Variants in NGEF observed in about 807,000 individuals in gnomAD.
The protein encoded by NGEF is ephexin-1.
In NGEF, 31 loss-of-function variants were observed where a neutral mutation model predicts 80.9. The ratio of observed to expected loss-of-function variants is 0.38; its 90% confidence interval spans 0.29 to 0.52. The LOEUF (loss-of-function observed/expected upper bound fraction) is 0.52, where lower values mean the gene tolerates loss of function less well. NGEF is among the 20% of genes least tolerant of loss of function. The pLI is 0.84. For missense variants in NGEF, 709 were observed against 926.2 expected (o/e 0.77, Z 3.04); for synonymous variants, 371 against 370.2 (o/e 1.00, Z -0.03).
chr2:232,891,348 G>A lies in NGEF; in HGVS notation c.1272+10C>T. 1 of 1,613,202 alleles carries A rather than the reference G, an allele frequency of 6.2e-7. No individual in the cohort carries two copies. The highest frequency in any genetic ancestry group is 8.5e-7 in the Non-Finnish European group (1 of 1,179,750). The stretch of plus-strand genomic sequence containing the variant: ...AGCCCCGTCTGTGGGTCAGGTGGAG[G>A]AGGCTGTACCTGGACCAACAGCTTG... On this transcript the variant is annotated intron_variant, in intron 8 of 14. Coordinates refer to ENST00000264051, the MANE Select transcript of NGEF (RefSeq NM_019850.3).
intron 10 of NGEF, chr2:232,884,854 G>T: frequency 6.0e-6 from 1 of 165,408 alleles, no homozygotes; most frequent in Non-Finnish European, 1.3e-5. Context: ...TCGGGCCCAG[G>T]GGACCTGAGG....
intron 3 of NGEF, among the ~76,000 whole-genome samples, chr2:232,954,056 T>C (rs1043066040): frequency 2.0e-5 from 3 of 152,166 alleles, no homozygotes; most frequent in African/African-American, 7.2e-5. Context: ...GGCGTGAGGA[T>C]AACAGAGCCG....
At chr2:232,907,499 A>G (rs993461499) in intron 5 of NGEF, among the ~76,000 whole-genome samples, 3 of 152,240 alleles carry the variant, frequency 2.0e-5, no homozygotes, top group Non-Finnish European at 4.4e-5. Flanking sequence ...AGATATTAAC[A>G]AAAGGGAAGC....
At chr2:232,914,778 G>C (rs189140190) in intron 5 of NGEF, among the ~76,000 whole-genome samples, 46 of 152,160 alleles carry the variant, frequency 3.0e-4, no homozygotes, top group African/African-American at 1.1e-3. Context: ...CAGCACTTTG[G>C]GAGGCTGAGG....
At chr2:232,982,549 T>C (rs1694454895) in intron 1 of NGEF, among the ~76,000 whole-genome samples, 2 of 152,240 alleles carry the variant, frequency 1.3e-5, no homozygotes, top group African/African-American at 4.8e-5. Flanking sequence ...ATTTTGCTCT[T>C]GTCACCCAAG....
rs1157224777 is a variant in NGEF, at chr2:232,979,946, CT to C, written c.-74-4983del. Among the ~76,000 whole-genome samples the C allele has an allele frequency of 3.9e-5, 6 of 152,082 alleles. No homozygotes were observed. In the East Asian group the frequency reaches 1.2e-3, roughly 29 times the overall value. ...ATGAGTCAATGTGATAATTACTCCACTTTATAGATGAGGCAGCTGCCACTCT... is the reference window on the plus strand; with the variant it reads ...ATGAGTCAATGTGATAATTACTCCACTTATAGATGAGGCAGCTGCCACTCT... On this transcript the variant is annotated intron_variant, in intron 1 of 14. Transcript: ENST00000264051.
At chr2:232,978,494 G>A (rs1434687700) in intron 1 of NGEF, among the ~76,000 whole-genome samples, 3 of 152,130 alleles carry the variant, frequency 2.0e-5, no homozygotes, top group African/African-American at 7.2e-5. Context: ...CAGCCTGGGC[G>A]ACAGAGCGAG....
intron 3 of NGEF, among the ~76,000 whole-genome samples, chr2:232,953,921 G>A (rs12612787): frequency 0.2 from 30,797 of 152,090 alleles, 3,307 homozygotes; most frequent in East Asian, 0.34. Flanking sequence ...TGATTGATAA[G>A]TATTTGTTAA....
At chr2:233,005,675 G>C (rs1215612106) in intron 1 of NGEF, among the ~76,000 whole-genome samples, 1 of 152,194 alleles carries the variant, frequency 6.6e-6, no homozygotes, top group African/African-American at 2.4e-5. Context: ...GCAGCCTCTG[G>C]AGGCTGGAAA....
intron 5 of NGEF, among the ~76,000 whole-genome samples, chr2:232,900,324 T>TAA (rs555554965): frequency 5.1e-5 from 1 of 19,476 alleles, no homozygotes; most frequent in Non-Finnish European, 9.6e-5. Context: ...TCACATTCAC[T>TAA]CACACACGCT....
intron 1 of NGEF, among the ~76,000 whole-genome samples, chr2:233,008,103 C>A (rs777703792): frequency 6.6e-6 from 1 of 152,120 alleles, no homozygotes; most frequent in African/African-American, 2.4e-5. Flanking sequence ...AAAAATAAAA[C>A]CCATATGTGA....
chr2:232,970,043 T>G (rs1012896743), intron 3 of NGEF, 171 bp downstream of exon 3: 15 of 398,150 alleles, frequency 3.8e-5, no homozygotes, highest in Admixed American at 1.4e-4. Context: ...AAAACAAAAG[T>G]TTTTTTTAAA....
intron 3 of NGEF, among the ~76,000 whole-genome samples, chr2:232,957,677 A>G (rs796571544): frequency 6.6e-6 from 1 of 152,232 alleles, no homozygotes; most frequent in South Asian, 2.1e-4. Flanking sequence ...TCCCAGAGAC[A>G]GTCCATGTGA....
At position 232,892,820 on chromosome 2, in the gene NGEF, A is replaced by G; in HGVS notation, c.1142+78T>C. 2.7e-6 allele frequency: 4 copies of G among 1,478,250 alleles called. No homozygotes were observed. Among genetic ancestry groups the G allele is most frequent in the Non-Finnish European group, 3.7e-6 (4 of 1,074,732 alleles). The allele number at this position is 1,478,250 out of a possible 1,614,324, so 91.6% of individuals were successfully genotyped here. A position where few individuals can be genotyped will look rare whatever the true frequency, so the allele number is the denominator to read the frequency against. On this transcript the variant is annotated intron_variant, in intron 7 of 14. Transcript: ENST00000264051. The surrounding 1 kb of genome is among the most constrained non-coding windows in gnomAD (Gnocchi z 4.0). ...AAAGGACCATGAAGTGTCACCGTGT[A>G]AGGAGCCTGGGCCAGCACTGGTATG...
intron 5 of NGEF, among the ~76,000 whole-genome samples, chr2:232,903,749 T>C (rs1317179894): frequency 6.6e-6 from 1 of 152,204 alleles, no homozygotes; most frequent in Non-Finnish European, 1.5e-5. Flanking sequence ...ATCTGCTGAA[T>C]TGTTGAGGGT....
At chr2:232,896,120 C>T (rs1692051010) in intron 5 of NGEF, among the ~76,000 whole-genome samples, 1 of 152,158 alleles carries the variant, frequency 6.6e-6, no homozygotes, top group African/African-American at 2.4e-5. Flanking sequence ...AACTGTGGCC[C>T]CCACAGAAGC....
chr2:232,942,866 C>CG (rs35073919), intron 3 of NGEF, among the ~76,000 whole-genome samples: 2 of 145,008 alleles, frequency 1.4e-5, no homozygotes, highest in African/African-American at 2.5e-5. Context: ...CATTATTTTC[C>CG]GGGGGGGAGT....
chr2:232,969,030 G>A (rs1207830500), intron 3 of NGEF, among the ~76,000 whole-genome samples: 2 of 152,154 alleles, frequency 1.3e-5, no homozygotes, highest in East Asian at 1.9e-4. Flanking sequence ...TTCACACAAC[G>A]GCCAAATAGA....
chr2:232,957,266 T>C (rs944611634), intron 3 of NGEF, among the ~76,000 whole-genome samples: 23 of 152,234 alleles, frequency 1.5e-4, no homozygotes, highest in Admixed American at 3.9e-4. Flanking sequence ...AAATCCACAG[T>C]TCAAGCTCAG....
Sources: gnomAD v4.1 joint callset for allele counts (sites outside exome capture counted in the v4.1 genomes callset) on GRCh38, gnomAD v4.1.1 for gene constraint, Gnocchi (gnomAD v3.1) non-coding constraint, MANE v1.5 for transcripts, NCBI Gene and HGNC (gene_info 2026-07-23, HGNC 2026-07-21) for gene names.